ARL1: variants seen among roughly 807,000 people sequenced by gnomAD.
ARL1 encodes the protein ADP-ribosylation factor-like protein 1.
A neutral mutation model predicts 30.1 loss-of-function variants in ARL1; 17 were observed. The ratio of observed to expected loss-of-function variants is 0.56; its 90% CI spans 0.39 to 0.85. The LOEUF (loss-of-function observed/expected upper bound fraction) is 0.85, where lower values mean the gene tolerates loss of function less well. Among genes scored for constraint, ARL1 ranks in the 40% least tolerant of loss-of-function variants. The pLI, the probability that ARL1 is intolerant of heterozygous loss-of-function variation, is 0.00. For synonymous variants in ARL1, 58 were observed against 71.7 expected, an observed-to-expected ratio of 0.81 and a Z score of 0.97; for missense variants, 102 against 212.6, an observed-to-expected ratio of 0.48 and a Z score of 3.24.
At position 101,393,361 on chromosome 12, in the gene ARL1, T is replaced by C. The variant is rs1157972471; in HGVS notation, c.*2279A>G. 2.6e-5 allele frequency: 4 copies of C among 152,110 alleles called. No individual in the cohort carries two copies. Among genetic ancestry groups the C allele is most frequent in the Non-Finnish European group, 5.9e-5 (4 of 68,032 alleles). The allele number at this position is 152,110 out of a possible 1,614,324, so 9.4% of individuals were successfully genotyped here. Reference sequence around the variant, plus strand: ...ACAACACAATCATAGGCCAGAGTTATAAAATACAATGTTAGAAAGAAACGT... The same window carrying C: ...ACAACACAATCATAGGCCAGAGTTACAAAATACAATGTTAGAAAGAAACGT... On this transcript the variant is annotated 3_prime_UTR_variant, in exon 6 of 6. Transcript: ENST00000261636.
chr12:101,407,696 G>A lies in ARL1; in HGVS notation c.-51C>T, dbSNP rs1871487670. The stretch of plus-strand genomic sequence containing the variant: ...GATCTTCAGTGATTCCTTGGCCTTC[G>A]GCTGCAGCTCCGAGGCGGTTTCCTC... On this transcript the variant is annotated 5_prime_UTR_variant, in exon 1 of 6. Transcript: ENST00000261636. The A allele has an allele frequency of 6.2e-7, 1 of 1,610,644 alleles. No individual in the cohort carries two copies. Among genetic ancestry groups the A allele is most frequent in the Admixed American group, 1.7e-5 (1 of 59,890 alleles).
chr12:101,395,560 G>T lies in ARL1; in HGVS notation c.*80C>A. 1 of 1,115,772 alleles carries T rather than the reference G, an allele frequency of 9.0e-7. No individual in the cohort carries two copies. The allele number at this position is 1,115,772 out of a possible 1,614,324, so 69.1% of individuals were successfully genotyped here. A position where few individuals can be genotyped will look rare whatever the true frequency, so the allele number is the denominator to read the frequency against. On this transcript the variant is annotated 3_prime_UTR_variant, in exon 6 of 6. Transcript: ENST00000261636. Reference sequence around the variant, plus strand: ...AATAATCATATAGTTTTAACATCTAGTAGTGTGAAGTACACTTGACTGTTT... The same window carrying T: ...AATAATCATATAGTTTTAACATCTATTAGTGTGAAGTACACTTGACTGTTT...
At chr12:101,404,566 C>T (rs117481525) in intron 2 of ARL1, among the ~76,000 whole-genome samples, 1,523 of 152,288 alleles carry the variant, frequency 0.01, 20 homozygotes, top group East Asian at 0.077. Flanking sequence ...GGGTTCAAAA[C>T]GCTCTTCTTT....
chr12:101,398,678 T>C (rs1479284090), intron 4 of ARL1, among the ~76,000 whole-genome samples: 1 of 151,804 alleles, frequency 6.6e-6, no homozygotes, highest in Non-Finnish European at 1.5e-5. Flanking sequence ...CCTGAAGTGA[T>C]CCACCTGCCT....
intron 3 of ARL1, 65 bp from the exon 4 acceptor site, chr12:101,401,238 T>C: frequency 9.4e-7 from 1 of 1,061,148 alleles, no homozygotes; most frequent in Admixed American, 1.9e-5. Context: ...GACATATCAA[T>C]TGCCAATTCT....
At chr12:101,406,682 A>G (rs540106816) in intron 1 of ARL1, among the ~76,000 whole-genome samples, 1 of 152,348 alleles carries the variant, frequency 6.6e-6, no homozygotes, top group Non-Finnish European at 1.5e-5. Flanking sequence ...CCACACTGTT[A>G]TTTGGCAAAG....
chr12:101,406,470 ATAAC>A (rs1309102445), intron 1 of ARL1, among the ~76,000 whole-genome samples: 2 of 152,218 alleles, frequency 1.3e-5, no homozygotes, highest in Non-Finnish European at 2.9e-5. Flanking sequence ...GCTGAAAACA[ATAAC>A]TATTTTTGAC....
chr12:101,407,277 C>T (rs1209511446), intron 1 of ARL1: 6 of 293,972 alleles, frequency 2.0e-5, no homozygotes, highest in Middle Eastern at 8.9e-4. Context: ...CCTCGGCGAA[C>T]CTGCGACTGA....
At chr12:101,402,095 T>G (rs1012657110) in intron 3 of ARL1, among the ~76,000 whole-genome samples, 2 of 152,234 alleles carry the variant, frequency 1.3e-5, no homozygotes, top group Non-Finnish European at 2.9e-5. Flanking sequence ...GACCAACTAC[T>G]GACGGTCATC....
rs1392640863 is a variant in ARL1, at chr12:101,393,123, T to A, written c.*2517A>T. 1 of 152,168 alleles carries A rather than the reference T, an allele frequency of 6.6e-6. No individual in the cohort carries two copies. Among genetic ancestry groups the A allele is most frequent in the Non-Finnish European group, 1.5e-5 (1 of 68,030 alleles). 9.4% of individuals were successfully genotyped at this position (152,168 alleles called of 1,614,324 possible). On this transcript the variant is annotated 3_prime_UTR_variant, in exon 6 of 6. Coordinates refer to ENST00000261636, the MANE Select transcript of ARL1 (RefSeq NM_001177.6). ...TCAGAAAGGACAAATATATCTGGCA[T>A]ATTGAAGACGTCTTTGTTTTTAATC...
At position 101,406,375 on chromosome 12, in the gene ARL1, C is replaced by G. The variant is rs758732828; in HGVS notation, c.5-394G>C. Among the ~76,000 whole-genome samples the G allele has an allele frequency of 3.5e-4, 53 of 152,160 alleles. 1 individual carries two copies. Among genetic ancestry groups the G allele is most frequent in the Non-Finnish European group, 1.0e-4 (7 of 68,026 alleles). ...ATGTAATCCTCGCACAGGAAAAGTA[C>G]TGTACAGCAGCAGTACCACTATAAC... On this transcript the variant is annotated intron_variant, in intron 1 of 5. Coordinates refer to ENST00000261636, the MANE Select transcript of ARL1 (RefSeq NM_001177.6).
chr12:101,395,931 G>C (rs1039662441), intron 5 of ARL1, among the ~76,000 whole-genome samples: 7 of 152,156 alleles, frequency 4.6e-5, no homozygotes, highest in African/African-American at 1.7e-4. Context: ...ATGACTCAGA[G>C]GTGAAACTAG....
In ARL1 at chr12:101,393,249, C is replaced by T. The variant is rs993547370; in HGVS notation, c.*2391G>A. ...ATACGGTCCCTGCCCTCAGAGCTTA[C>T]ATTTCAACAGTTTAAAGTGCATCTC... On this transcript the variant is annotated 3_prime_UTR_variant, in exon 6 of 6. Transcript: ENST00000261636. 6.6e-6 allele frequency: 1 copy of T among 151,866 alleles called. No individual in the cohort carries two copies. The highest frequency in any genetic ancestry group is 2.4e-5 in the African/African-American group (1 of 41,326). 9.4% of individuals were successfully genotyped at this position (151,866 alleles called of 1,614,324 possible). A position where few individuals can be genotyped will look rare whatever the true frequency, so the allele number is the denominator to read the frequency against.
rs567538280 is a variant in ARL1 at position 101,397,510 on chromosome 12, T to C, written c.337-933A>G. Among the ~76,000 whole-genome samples, 334 of 151,844 alleles carry C rather than the reference T, an allele frequency of 2.2e-3. 1 individual carries two copies. Among genetic ancestry groups the C allele is most frequent in the African/African-American group, 7.5e-3 (310 of 41,432 alleles). ...AGACCCTGTCTCTTTTTTTTTTTTC[T>C]TTTTTTAAGACAGTGTCTCGCTCTG... On this transcript the variant is annotated intron_variant, in intron 4 of 5. Coordinates refer to ENST00000261636, the MANE Select transcript of ARL1 (RefSeq NM_001177.6).
Position 101,396,475 on chromosome 12 carries a change from C to A in ARL1, c.439G>T (p.Ala147Ser). 6.2e-7 allele frequency: 1 copy of A among 1,614,026 alleles called. No individual in the cohort carries two copies. Among genetic ancestry groups the A allele is most frequent in the Non-Finnish European group, 8.5e-7 (1 of 1,179,902 alleles). The change falls in exon 5 of 6, where the codon GCC (alanine) becomes TCC (serine). Residue 147 changes from alanine to serine, a missense_variant. Ala to Ser is a moderately conservative substitution (Grantham distance 99, BLOSUM62 1). Transcript: ENST00000261636. ...SEMANSLGLPALKDRKWQIFK... is the reference protein window; with the variant it reads ...SEMANSLGLPSLKDRKWQIFK... ...ATCTGCCATTTTCGGTCCTTCAAGG[C>A]AGGTAACCCAAGTGAATTTGCCATC...
rs868308034 is a variant in ARL1 at position 101,403,293 on chromosome 12, A to T, written c.143-347T>A. The T allele has an allele frequency of 1.0e-4, 41 of 410,172 alleles. No homozygotes were observed. In the Middle Eastern group the frequency reaches 5.5e-3, roughly 55 times the overall value. 25.4% of individuals were successfully genotyped at this position (410,172 alleles called of 1,614,324 possible). On this transcript the variant is annotated intron_variant, in intron 2 of 5. Coordinates refer to ENST00000261636, the MANE Select transcript of ARL1 (RefSeq NM_001177.6). ...TATATAATTTTAGCTCAAATAAATT[A>T]AAAAAAGAATTTAAAAAAGAAATAA...
chr12:101,406,844 T>C (rs1416789440), intron 1 of ARL1, among the ~76,000 whole-genome samples: 2 of 152,204 alleles, frequency 1.3e-5, no homozygotes, highest in Non-Finnish European at 2.9e-5. Flanking sequence ...AAGGCGGTTA[T>C]GGAAGACAGG....
In ARL1 at chr12:101,393,781, T is replaced by C. The variant is rs949566566; in HGVS notation, c.*1859A>G. On this transcript the variant is annotated 3_prime_UTR_variant, in exon 6 of 6. Coordinates refer to ENST00000261636, the MANE Select transcript of ARL1 (RefSeq NM_001177.6). Reference sequence around the variant, plus strand: ...CCCATTTTTTGCAGTTTTCCTGGACTGCCGGGAGGCAGCTGTACAAGCTTT... The same window carrying C: ...CCCATTTTTTGCAGTTTTCCTGGACCGCCGGGAGGCAGCTGTACAAGCTTT... The C allele has an allele frequency of 6.6e-6, 1 of 152,172 alleles. No individual in the cohort carries two copies. The highest frequency in any genetic ancestry group is 2.4e-5 in the African/African-American group (1 of 41,414). 9.4% of individuals were successfully genotyped at this position (152,172 alleles called of 1,614,324 possible). A position where few individuals can be genotyped will look rare whatever the true frequency, so the allele number is the denominator to read the frequency against.
chr12:101,398,690 G>A (rs529835091), intron 4 of ARL1, among the ~76,000 whole-genome samples: 7 of 151,708 alleles, frequency 4.6e-5, no homozygotes, highest in South Asian at 2.1e-4. Flanking sequence ...CACCTGCCTC[G>A]GCCTCCCAAA....
Sources: gnomAD v4.1 joint callset for allele counts (sites outside exome capture counted in the v4.1 genomes callset) on GRCh38, gnomAD v4.1.1 for gene constraint, MANE v1.5 for transcripts, NCBI Gene and HGNC (gene_info 2026-07-23, HGNC 2026-07-21) for gene names.